PLXNA4: variants seen among roughly 807,000 people sequenced by gnomAD.
The protein encoded by PLXNA4 is plexin-A4.
Under a neutral mutation model 191.8 loss-of-function variants are expected in PLXNA4, and 44 were observed. The observed-to-expected ratio is 0.23, with a 90% CI of 0.18 to 0.29. PLXNA4 has a LOEUF of 0.29. Among genes scored for constraint, PLXNA4 ranks in the 10% least tolerant of loss-of-function variants. PLXNA4 has a pLI of 1.00. For missense variants in PLXNA4, 1,800 were observed against 2,488.8 expected (o/e 0.72, Z 5.89); for synonymous variants, 1,082 against 1,009.5 (o/e 1.07, Z -1.36).
chr7:132,318,707 C>A (rs1455910509), intron 3 of PLXNA4, among the ~76,000 whole-genome samples: 2 of 137,762 alleles, frequency 1.5e-5, no homozygotes, highest in Non-Finnish European at 1.5e-5. Context: ...CCACTCCAAT[C>A]TCATCTGTCC....
intron 3 of PLXNA4, among the ~76,000 whole-genome samples, chr7:132,315,173 A>C (rs1014412637): frequency 1.3e-5 from 2 of 152,150 alleles, no homozygotes; most frequent in African/African-American, 4.8e-5. Context: ...GGGAAACAGG[A>C]CCAGAGGGGC....
intron 3 of PLXNA4, among the ~76,000 whole-genome samples, chr7:132,413,601 T>C (rs1343994339): frequency 1.3e-5 from 2 of 152,320 alleles, no homozygotes; most frequent in Admixed American, 1.3e-4. Context: ...AGCAATTCAA[T>C]GGTGCCTTAC....
intron 3 of PLXNA4, among the ~76,000 whole-genome samples, chr7:132,458,580 C>T (rs1316063959): frequency 6.6e-6 from 1 of 151,248 alleles, no homozygotes; most frequent in East Asian, 2.0e-4. Flanking sequence ...GTATGGACTG[C>T]AGGATTCCAG....
At chr7:132,364,262 T>C (rs1804066072) in intron 3 of PLXNA4, among the ~76,000 whole-genome samples, 1 of 152,194 alleles carries the variant, frequency 6.6e-6, no homozygotes, top group African/African-American at 2.4e-5. Context: ...GACTTTGTCA[T>C]ATGGAGCAAA....
rs530372841 is a variant in PLXNA4, at chr7:132,186,780, AG to A, written c.2993+690del. 2.1e-3 allele frequency among the ~76,000 whole-genome samples: 323 copies of A among 152,328 alleles called. 4 individuals are homozygous for A. Among genetic ancestry groups the A allele is most frequent in the South Asian group, 3.9e-3 (19 of 4,828 alleles). On this transcript the variant is annotated intron_variant, in intron 15 of 31. Transcript: ENST00000321063. ...TAACTATAGGAGGAATTTAGTTTAT[AG>A]TTTAATTTTGTAACAAAGATGATAA...
chr7:132,444,873 T>C (rs1383697482), intron 3 of PLXNA4, among the ~76,000 whole-genome samples: 2 of 151,858 alleles, frequency 1.3e-5, no homozygotes, highest in Non-Finnish European at 1.5e-5. Flanking sequence ...ACCCTTAAGA[T>C]TGGTTCTCGG....
intron 5 of PLXNA4, among the ~76,000 whole-genome samples, chr7:132,233,264 C>A (rs1274678183): frequency 1.3e-5 from 2 of 152,170 alleles, no homozygotes; most frequent in Non-Finnish European, 2.9e-5. Context: ...TTATCCTTGT[C>A]CTCCTTAAGA....
In PLXNA4 at chr7:132,227,497, G is replaced by A. The variant is rs374781148; in HGVS notation, c.1836C>T (p.Cys612=). 6.2e-6 allele frequency: 10 copies of A among 1,614,184 alleles called. No individual in the cohort carries two copies. Among genetic ancestry groups the A allele is most frequent in the Middle Eastern group, 1.7e-4 (1 of 6,060 alleles). ...DGLVVGNQIQ[C]YSPAAKEVPR... is the part of the protein sequence containing the mutation. ...GCACCTCCTTGGCTGCAGGGGAGTA[G>A]CACTGGATCTGATTGCCCACGACCA... is the stretch of plus-strand genomic sequence containing the variant. Residue 612 remains cysteine, a synonymous_variant, in exon 7 of 32, where the codon TGC becomes TGT. Transcript: ENST00000321063.
At chr7:132,367,227 C>A (rs979167536) in intron 3 of PLXNA4, among the ~76,000 whole-genome samples, 1 of 152,222 alleles carries the variant, frequency 6.6e-6, no homozygotes, top group Non-Finnish European at 1.5e-5. Context: ...TGAAAATGCT[C>A]AGCTGAGTAG....
At chr7:132,600,720 A>G (rs1802801373) in intron 2 of PLXNA4, among the ~76,000 whole-genome samples, 1 of 152,144 alleles carries the variant, frequency 6.6e-6, no homozygotes, top group African/African-American at 2.4e-5. Flanking sequence ...TTTTCTAAAA[A>G]TGTATCCATT....
chr7:132,312,855 G>A (rs1349713163), intron 3 of PLXNA4, among the ~76,000 whole-genome samples: 1 of 152,178 alleles, frequency 6.6e-6, no homozygotes, highest in African/African-American at 2.4e-5. Context: ...CATAATCACA[G>A]CTAAACTACA....
intron 2 of PLXNA4, among the ~76,000 whole-genome samples, chr7:132,504,876 A>G (rs1232843749): frequency 6.6e-6 from 1 of 152,224 alleles, no homozygotes; most frequent in African/African-American, 2.4e-5. Flanking sequence ...GGGTTTGCAA[A>G]TGGTGCCATC....
At chr7:132,156,131 G>GACACACACAC (rs1224544237) in intron 25 of PLXNA4, among the ~76,000 whole-genome samples, 6 of 74,544 alleles carry the variant, frequency 8.0e-5, no homozygotes, top group African/African-American at 4.4e-4. Context: ...TCTGTTTCTG[G>GACACACACAC]ACATACACAC....
intron 25 of PLXNA4, among the ~76,000 whole-genome samples, chr7:132,149,497 GAC>G (rs1795531328): frequency 6.6e-6 from 1 of 152,260 alleles, no homozygotes; most frequent in African/African-American, 2.4e-5. Flanking sequence ...GTGCATGTCA[GAC>G]ACACATAAAC....
chr7:132,490,967 G>A (rs577727396), intron 2 of PLXNA4, among the ~76,000 whole-genome samples: 12 of 152,184 alleles, frequency 7.9e-5, no homozygotes, highest in South Asian at 2.1e-4. Context: ...GTGCTGGGGA[G>A]TGGTGAAGAC....
chr7:132,164,084 T>A, intron 24 of PLXNA4, 58 bp downstream of exon 24: 2 of 1,607,204 alleles, frequency 1.2e-6, no homozygotes, highest in Admixed American at 3.3e-5. Flanking sequence ...TGAGCAGGGC[T>A]ACCCAGGATG....
intron 3 of PLXNA4, among the ~76,000 whole-genome samples, chr7:132,413,890 A>G (rs1794561819): frequency 6.6e-6 from 1 of 152,118 alleles, no homozygotes; most frequent in South Asian, 2.1e-4. Flanking sequence ...TCAACACCCC[A>G]TTCACAACAT....
At chr7:132,185,559 A>T in intron 15 of PLXNA4, 96 bp from the exon 16 acceptor site, 1 of 1,490,022 alleles carries the variant, frequency 6.7e-7, no homozygotes, top group South Asian at 1.4e-5. Flanking sequence ...GCATGTCAGG[A>T]TGCTCAGAGG....
intron 3 of PLXNA4, among the ~76,000 whole-genome samples, chr7:132,430,736 G>C (rs1795227812): frequency 6.6e-6 from 1 of 152,188 alleles, no homozygotes; most frequent in Non-Finnish European, 1.5e-5. Flanking sequence ...TCAGGCAAAA[G>C]AGTTTAAACA....
Sources: allele counts gnomAD v4.1 joint callset (sites outside exome capture counted in the v4.1 genomes callset), GRCh38; gene constraint gnomAD v4.1.1; transcripts MANE v1.5; gene names NCBI Gene and HGNC (gene_info 2026-07-23, HGNC 2026-07-21).